Variants in FAM135A observed in about 807,000 individuals in gnomAD.
FAM135A encodes the protein protein FAM135A.
Under a neutral mutation model 146.8 loss-of-function variants are expected in FAM135A, and 79 were observed. That is an observed-to-expected ratio of 0.54 (90% CI 0.45 to 0.65). FAM135A has a LOEUF of 0.65. FAM135A is among the 30% of genes least tolerant of loss of function. The pLI, the probability that FAM135A is intolerant of heterozygous loss-of-function variation, is 0.00. For missense variants in FAM135A, 1,623 were observed against 1,758.2 expected, an observed-to-expected ratio of 0.92 and a Z score of 1.38; for synonymous variants, 562 against 603.6, an observed-to-expected ratio of 0.93 and a Z score of 1.01.
rs1425878460 is a variant in FAM135A at position 70,555,066 on chromosome 6, T to C, written c.4229-1684T>C. Among the ~76,000 whole-genome samples the C allele has an allele frequency of 3.3e-5, 5 of 152,364 alleles. No homozygotes were observed. In the East Asian group the frequency reaches 9.6e-4, roughly 29 times the overall value. On this transcript the variant is annotated intron_variant, in intron 20 of 21. Coordinates refer to ENST00000418814, the MANE Select transcript of FAM135A (RefSeq NM_001162529.3). ...CACTGTCATAAACAGTCAAGTCAAA[T>C]TGACTTTTTGTCAGAAAAAGTTAGA...
intron 10 of FAM135A, among the ~76,000 whole-genome samples, chr6:70,485,225 C>T (rs1784394680): frequency 6.6e-6 from 1 of 152,000 alleles, no homozygotes. Context: ...AAAGTATAGG[C>T]ATCAACATAA....
intron 10 of FAM135A, among the ~76,000 whole-genome samples, chr6:70,485,408 TTAAAAA>T (rs1215479831): frequency 3.3e-5 from 5 of 152,174 alleles, no homozygotes; most frequent in South Asian, 4.1e-4. Flanking sequence ...TACTATTAAC[TTAAAAA>T]TAAAAGTATT....
At chr6:70,557,023 C>A (rs1262418171) in intron 21 of FAM135A, 160 bp downstream of exon 21, 2 of 620,916 alleles carry the variant, frequency 3.2e-6, no homozygotes, top group Non-Finnish European at 2.9e-6. Flanking sequence ...ATTCTTCTCA[C>A]CTGCCACGTG....
intron 2 of FAM135A, among the ~76,000 whole-genome samples, chr6:70,425,462 A>G (rs1209020007): frequency 6.6e-6 from 1 of 152,198 alleles, no homozygotes; most frequent in Non-Finnish European, 1.5e-5. Flanking sequence ...AAATCTTTTG[A>G]TGTGACTATT....
At chr6:70,469,039 C>T (rs1041722882) in intron 5 of FAM135A, among the ~76,000 whole-genome samples, 4 of 152,090 alleles carry the variant, frequency 2.6e-5, no homozygotes, top group Admixed American at 6.6e-5. Flanking sequence ...CTTTCTTATC[C>T]CTCTTTTCCT....
intron 4 of FAM135A, among the ~76,000 whole-genome samples, chr6:70,450,959 T>C (rs938611613): frequency 3.3e-5 from 5 of 151,836 alleles, no homozygotes; most frequent in Admixed American, 6.6e-5. Flanking sequence ...GCCAGGCAGG[T>C]CTTGAACTCC....
intron 20 of FAM135A, among the ~76,000 whole-genome samples, chr6:70,543,056 A>G (rs1798224023): frequency 6.6e-6 from 1 of 152,182 alleles, no homozygotes; most frequent in African/African-American, 2.4e-5. Context: ...TCCCACATAC[A>G]TATTCAGTAT....
chr6:70,479,623 G>C (rs1016025733), intron 8 of FAM135A, among the ~76,000 whole-genome samples: 1 of 152,110 alleles, frequency 6.6e-6, no homozygotes, highest in Admixed American at 6.6e-5. Context: ...TGATAAAGGG[G>C]TCATGTCTAA....
chr6:70,478,677 G>A (rs1783084793), intron 8 of FAM135A, among the ~76,000 whole-genome samples: 1 of 151,622 alleles, frequency 6.6e-6, no homozygotes, highest in African/African-American at 2.4e-5. Flanking sequence ...AGAGCACCAG[G>A]CCAGGAAGAC....
At chr6:70,417,590 G>A in intron 2 of FAM135A, 1 of 983,774 alleles carries the variant, frequency 1.0e-6, no homozygotes, top group Non-Finnish European at 1.2e-6. Context: ...ACTAGAATAA[G>A]TATTCCTTTA....
intron 6 of FAM135A, 48 bp from the exon 7 acceptor site, chr6:70,475,614 AC>A: frequency 3.8e-6 from 6 of 1,586,816 alleles, no homozygotes; most frequent in Non-Finnish European, 5.1e-6. Context: ...GTTATTTCTA[AC>A]TTTCTATAAA....
rs904266943 is a variant in FAM135A, at chr6:70,524,483, A to G, written c.1399A>G (p.Ile467Val). The change falls in exon 15 of 22, where the codon ATT becomes GTT. Residue 467 changes from isoleucine to valine, a missense_variant. Transcript: ENST00000418814. Reference protein sequence around the residue: ...LKVRPAGASSIWYTEGEKQLT... With the variant: ...LKVRPAGASSVWYTEGEKQLT... ...AGTCAGACCTGCTGGTGCCTCCAGT[A>G]TTTGGTATACAGAAGGTGAAAAGCA... 1 of 1,551,264 alleles carries G rather than the reference A, an allele frequency of 6.4e-7. No individual in the cohort carries two copies. The highest frequency in any genetic ancestry group is 8.7e-7 in the Non-Finnish European group (1 of 1,146,782).
rs1801676611 is a variant in FAM135A, at chr6:70,560,261, A to G, written c.*340A>G. On this transcript the variant is annotated 3_prime_UTR_variant, in exon 22 of 22. Transcript: ENST00000418814. Reference sequence around the variant, plus strand: ...TTCTTACATCAGACTACATTATATTAGAGACCATTATTGCTAGAATAGCAT... The same window carrying G: ...TTCTTACATCAGACTACATTATATTGGAGACCATTATTGCTAGAATAGCAT... 5.8e-6 allele frequency: 1 copy of G among 173,618 alleles called. No homozygotes were observed. The highest frequency in any genetic ancestry group is 2.4e-5 in the African/African-American group (1 of 41,914). The allele number at this position is 173,618 out of a possible 1,614,324, so 10.8% of individuals were successfully genotyped here.
intron 16 of FAM135A, among the ~76,000 whole-genome samples, chr6:70,529,769 A>G (rs1795435980): frequency 6.6e-6 from 1 of 152,114 alleles, no homozygotes; most frequent in African/African-American, 2.4e-5. Flanking sequence ...TCTGACATAA[A>G]TATACTTAAT....
At chr6:70,473,783 T>A (rs927700818) in intron 5 of FAM135A, among the ~76,000 whole-genome samples, 2 of 152,118 alleles carry the variant, frequency 1.3e-5, no homozygotes, top group African/African-American at 2.4e-5. Flanking sequence ...ATTCCAGTAG[T>A]GTGTCAAGCT....
chr6:70,513,398 T>C (rs572433709), intron 12 of FAM135A: 2 of 151,144 alleles, frequency 1.3e-5, no homozygotes, highest in African/African-American at 2.4e-5. Flanking sequence ...CTTTTTTTTT[T>C]TTTTTTTTAA....
At position 70,473,085 on chromosome 6, in the gene FAM135A, A is replaced by G. The variant is rs150852026; in HGVS notation, c.158-2325A>G. Among the ~76,000 whole-genome samples, 1,051 of 152,222 alleles carry G rather than the reference A, an allele frequency of 6.9e-3. 3 individuals are homozygous for G. The highest frequency in any genetic ancestry group is 0.014 in the Middle Eastern group (4 of 294). On this transcript the variant is annotated intron_variant, in intron 5 of 21. Coordinates refer to ENST00000418814, the MANE Select transcript of FAM135A (RefSeq NM_001162529.3). ...GGACTTACAGATTTCTGTTTACTCA[A>G]TGGATGTTAATCTATTACTGTCATA...
chr6:70,556,779 G>T lies in FAM135A; in HGVS notation c.4258G>T (p.Val1420Leu). ...TCATTATTTCAAAAATGTTGTGCTA[G>T]TGGGATCCCTACAGGATCGCTATGT... ...GLHYFKNVVL[V>L]GSLQDRYVPY... Residue 1420 changes from valine to leucine, a missense_variant, in exon 21 of 22, where the codon GTG (valine) becomes TTG (leucine). Transcript: ENST00000418814. 1.2e-6 allele frequency: 2 copies of T among 1,612,676 alleles called. No homozygotes were observed. The highest frequency in any genetic ancestry group is 1.1e-5 in the South Asian group (1 of 90,728).
At chr6:70,428,973 TAAC>T (rs1391868142) in intron 4 of FAM135A, among the ~76,000 whole-genome samples, 3 of 152,204 alleles carry the variant, frequency 2.0e-5, no homozygotes, top group Non-Finnish European at 4.4e-5. Context: ...AGCAATGTAA[TAAC>T]TTCTTGGCGT....
Sources: allele counts gnomAD v4.1 joint callset (sites outside exome capture counted in the v4.1 genomes callset), GRCh38; gene constraint gnomAD v4.1.1; transcripts MANE v1.5; gene names NCBI Gene and HGNC (gene_info 2026-07-23, HGNC 2026-07-21).